The following LDLRAD4 variants were observed in gnomAD, a reference collection of about 807,000 sequenced individuals.
LDLRAD4 encodes low density lipoprotein receptor class A domain containing 4, also known as low-density lipoprotein receptor class A domain-containing protein 4.
LDLRAD4 carries 5 observed loss-of-function variants against 17.0 expected under a neutral mutation model. The ratio of observed to expected loss-of-function variants is 0.29; its 90% CI spans 0.15 to 0.62. The LOEUF is 0.62. Ranked by LOEUF, LDLRAD4 falls within the 20% of genes least tolerant of loss-of-function variation. The pLI, the probability that LDLRAD4 is intolerant of heterozygous loss-of-function variation, is 0.84. For missense variants in LDLRAD4, 340 were observed against 424.7 expected (o/e 0.80, Z 1.75); for synonymous variants, 168 against 171.8 (o/e 0.98, Z 0.17).
At chr18:13,493,559 G>A (rs1475011146) in intron 3 of LDLRAD4, among the ~76,000 whole-genome samples, 3 of 152,196 alleles carry the variant, frequency 2.0e-5, no homozygotes, top group Admixed American at 6.5e-5. Context: ...GAAGAATGCT[G>A]TTCTTAGCTG....
At chr18:13,436,138 T>C (rs998673555) in intron 2 of LDLRAD4, among the ~76,000 whole-genome samples, 1 of 152,032 alleles carries the variant, frequency 6.6e-6, no homozygotes, top group Non-Finnish European at 1.5e-5. Flanking sequence ...AGAAGGGAAA[T>C]GTTTGGCCTT....
intron 3 of LDLRAD4, among the ~76,000 whole-genome samples, chr18:13,534,090 C>T (rs1019624215): frequency 9.9e-5 from 15 of 152,194 alleles, no homozygotes; most frequent in Non-Finnish European, 1.3e-4. Context: ...ATCCTTCTCA[C>T]TTCTGCCACA....
intron 1 of LDLRAD4, among the ~76,000 whole-genome samples, chr18:13,227,168 C>T (rs561253537): frequency 2.8e-4 from 43 of 152,322 alleles, no homozygotes; most frequent in Non-Finnish European, 5.1e-4. Flanking sequence ...TTTCTGCTTT[C>T]CTCCAAGGCA....
At chr18:13,404,723 G>C (rs757025051) in intron 2 of LDLRAD4, among the ~76,000 whole-genome samples, 1 of 151,884 alleles carries the variant, frequency 6.6e-6, no homozygotes, top group Non-Finnish European at 1.5e-5. Flanking sequence ...GCGTGAACCC[G>C]GGAGGCGGAG....
chr18:13,486,566 C>T (rs1248423925), intron 3 of LDLRAD4: 1 of 152,262 alleles, frequency 6.6e-6, no homozygotes. Flanking sequence ...TACACCTCCT[C>T]TCTGTTTACA....
chr18:13,226,180 C>CTCTTTTTTTTTTTTTTTTTTTT (rs71370946), intron 1 of LDLRAD4, among the ~76,000 whole-genome samples: 4 of 52,208 alleles, frequency 7.7e-5, no homozygotes, highest in African/African-American at 3.1e-4. Flanking sequence ...CCATGCCTTG[C>CTCTTTTTTTTTTTTTTTTTTTT]TTTTTTTTTT....
intron 1 of LDLRAD4, among the ~76,000 whole-genome samples, chr18:13,373,741 A>T (rs1037555532): frequency 1.2e-4 from 19 of 152,358 alleles, no homozygotes; most frequent in African/African-American, 4.6e-4. Flanking sequence ...GGTATTTTGC[A>T]GTTCAGTGTA....
At chr18:13,522,403 A>G (rs971403454) in intron 3 of LDLRAD4, 2 of 151,070 alleles carry the variant, frequency 1.3e-5, no homozygotes, top group African/African-American at 4.9e-5. Flanking sequence ...TCATCGTATA[A>G]TGTTGCTTAA....
chr18:13,409,561 T>C (rs2088127088), intron 2 of LDLRAD4, among the ~76,000 whole-genome samples: 1 of 152,268 alleles, frequency 6.6e-6, no homozygotes, highest in South Asian at 2.1e-4. Context: ...ATCTTCAACC[T>C]GTATCTTATT....
In LDLRAD4 at chr18:13,589,014, C is replaced by T. The variant is rs559593570; in HGVS notation, c.182-32103C>T. On this transcript the variant is annotated intron_variant, in intron 3 of 5. Transcript: ENST00000359446. ...CGCTATCTTGGTTCATTGTAACCTC[C>T]GCCTCCCAGGCTCAAATGATTCTCC... Among the ~76,000 whole-genome samples, 27 of 151,558 alleles carry T rather than the reference C, an allele frequency of 1.8e-4. No individual in the cohort carries two copies. In the South Asian group the frequency reaches 4.8e-3, roughly 27 times the overall value.
intron 2 of LDLRAD4, among the ~76,000 whole-genome samples, chr18:13,391,555 C>T (rs1244468909): frequency 1.3e-5 from 2 of 152,134 alleles, no homozygotes; most frequent in Non-Finnish European, 2.9e-5. Context: ...TTTTAGTTTT[C>T]TCAGCATATG....
chr18:13,502,083 G>T (rs913398164), intron 3 of LDLRAD4, among the ~76,000 whole-genome samples: 1 of 152,238 alleles, frequency 6.6e-6, no homozygotes, highest in African/African-American at 2.4e-5. Context: ...GCTTTGAACC[G>T]TCACCAGAGT....
At chr18:13,427,186 A>G (rs2090001930) in intron 2 of LDLRAD4, among the ~76,000 whole-genome samples, 1 of 151,816 alleles carries the variant, frequency 6.6e-6, no homozygotes. Flanking sequence ...CTCCTTCTCA[A>G]TAAATAAATA....
chr18:13,458,328 G>A (rs983008565), intron 3 of LDLRAD4, among the ~76,000 whole-genome samples: 1 of 152,188 alleles, frequency 6.6e-6, no homozygotes, highest in Admixed American at 6.5e-5. Flanking sequence ...AGCAGGTGTG[G>A]TACACACCTG....
intron 3 of LDLRAD4, among the ~76,000 whole-genome samples, chr18:13,450,337 C>CCA (rs367571092): frequency 0.026 from 2,983 of 115,460 alleles, 164 homozygotes; most frequent in East Asian, 0.072. Flanking sequence ...CCCCCCCCCC[C>CCA]AAAAAAACAC....
chr18:13,598,930 G>A (rs1034935830), intron 3 of LDLRAD4, among the ~76,000 whole-genome samples: 1 of 152,140 alleles, frequency 6.6e-6, no homozygotes, highest in African/African-American at 2.4e-5. Context: ...TCCTTACATG[G>A]AATTTCCACC....
intron 3 of LDLRAD4, among the ~76,000 whole-genome samples, chr18:13,596,410 A>G (rs1237619482): frequency 6.6e-6 from 1 of 151,952 alleles, no homozygotes; most frequent in African/African-American, 2.4e-5. Context: ...TGTTTCCTAT[A>G]TGTCTCATCT....
chr18:13,502,639 C>T (rs1194096236), intron 3 of LDLRAD4, among the ~76,000 whole-genome samples: 3 of 121,548 alleles, frequency 2.5e-5, no homozygotes, highest in African/African-American at 1.3e-4. Context: ...AGCCGTGTAG[C>T]TCTGCTTCTC....
chr18:13,430,533 C>T (rs2090263335), intron 2 of LDLRAD4, among the ~76,000 whole-genome samples: 2 of 152,128 alleles, frequency 1.3e-5, no homozygotes, highest in African/African-American at 4.8e-5. Flanking sequence ...ACGTTGTACA[C>T]AGTGAGATCC....
Sources: gnomAD v4.1 joint callset for allele counts (sites outside exome capture counted in the v4.1 genomes callset) on GRCh38, gnomAD v4.1.1 for gene constraint, MANE v1.5 for transcripts, NCBI Gene and HGNC (gene_info 2026-07-23, HGNC 2026-07-21) for gene names.